Variants in ATOSA observed in about 807,000 individuals in gnomAD.
The protein encoded by ATOSA is atos homolog A.
the ATOSA span, among the ~76,000 whole-genome samples, chr15:52,646,897 G>C: frequency 6.7e-6 from 1 of 150,262 alleles, no homozygotes; most frequent in Admixed American, 6.7e-5. Flanking sequence ...AAAAGGGTCA[G>C]TAGAAGATGC....
the ATOSA span, among the ~76,000 whole-genome samples, chr15:52,661,341 T>C: frequency 6.6e-6 from 1 of 152,240 alleles, no homozygotes; most frequent in East Asian, 1.9e-4. Context: ...ATTTCATTTC[T>C]GGTGCCAGAA....
the ATOSA span, chr15:52,608,691 T>C: frequency 1.2e-4 from 186 of 1,612,678 alleles, 3 homozygotes; most frequent in South Asian, 1.9e-3. Flanking sequence ...CATTTTTTAA[T>C]TGGTCTGACT....
At chr15:52,698,913 G>C in the ATOSA span, among the ~76,000 whole-genome samples, 1 of 152,332 alleles carries the variant, frequency 6.6e-6, no homozygotes, top group East Asian at 1.9e-4. Flanking sequence ...ATCTGCTGAA[G>C]TGGTGGTGAT....
At chr15:52,626,602 A>C in the ATOSA span, among the ~76,000 whole-genome samples, 6 of 151,750 alleles carry the variant, frequency 4.0e-5, no homozygotes, top group African/African-American at 1.4e-4. Flanking sequence ...TATTTTCATT[A>C]ATTTACAGGT....
At chr15:52,688,666 C>T in the ATOSA span, among the ~76,000 whole-genome samples, 1 of 152,154 alleles carries the variant, frequency 6.6e-6, no homozygotes, top group Admixed American at 6.5e-5. Context: ...AAAGATTCTG[C>T]TCTGGGACTT....
the ATOSA span, among the ~76,000 whole-genome samples, chr15:52,589,537 T>A: frequency 1.1e-5 from 1 of 91,840 alleles, no homozygotes; most frequent in Non-Finnish European, 3.2e-5. Context: ...ACTAAATCAA[T>A]TTATTTAAAA....
chr15:52,672,880 C>T, the ATOSA span, among the ~76,000 whole-genome samples: 2 of 152,170 alleles, frequency 1.3e-5, no homozygotes, highest in Admixed American at 1.3e-4. Context: ...ATCTCTACGT[C>T]AACCCCTTTA....
At chr15:52,663,882 A>G in the ATOSA span, among the ~76,000 whole-genome samples, 1 of 152,242 alleles carries the variant, frequency 6.6e-6, no homozygotes, top group African/African-American at 2.4e-5. Flanking sequence ...CACCTCGGTA[A>G]TCAAAACTTT....
the ATOSA span, chr15:52,651,759 G>T: frequency 1.9e-6 from 2 of 1,039,420 alleles, no homozygotes; most frequent in South Asian, 1.5e-5. Flanking sequence ...AATTTTCCTA[G>T]ACCTATTTAT....
chr15:52,668,956 A>G, the ATOSA span, among the ~76,000 whole-genome samples: 4 of 149,970 alleles, frequency 2.7e-5, no homozygotes, highest in African/African-American at 9.8e-5. Context: ...CCCAGGCTTG[A>G]GTGCAGTGGT....
chr15:52,666,322 G>A, the ATOSA span, among the ~76,000 whole-genome samples: 2 of 152,124 alleles, frequency 1.3e-5, no homozygotes, highest in Non-Finnish European at 2.9e-5. Context: ...AATTTTTCTA[G>A]TTGCCCCCCA....
the ATOSA span, among the ~76,000 whole-genome samples, chr15:52,670,950 T>A: frequency 6.6e-6 from 1 of 152,196 alleles, no homozygotes; most frequent in African/African-American, 2.4e-5. Context: ...TCCTTTGAGT[T>A]TTTTTTCCAT....
the ATOSA span, chr15:52,584,886 C>T: frequency 9.9e-5 from 160 of 1,613,004 alleles, no homozygotes; most frequent in Middle Eastern, 1.5e-3. Flanking sequence ...TGGCATATCT[C>T]GTAAATCATA....
At chr15:52,627,859 C>T in the ATOSA span, among the ~76,000 whole-genome samples, 1 of 152,110 alleles carries the variant, frequency 6.6e-6, no homozygotes, top group South Asian at 2.1e-4. Flanking sequence ...CACTTAATAG[C>T]CAATTCTGCC....
At chr15:52,608,455 T>C in the ATOSA span, 2 of 986,494 alleles carry the variant, frequency 2.0e-6, no homozygotes, top group South Asian at 2.0e-5. Flanking sequence ...TATCAGACTG[T>C]GTGTCCTATA....
chr15:52,688,803 T>C, the ATOSA span, among the ~76,000 whole-genome samples: 3 of 152,204 alleles, frequency 2.0e-5, no homozygotes, highest in Non-Finnish European at 4.4e-5. Context: ...TGTTTAGCTA[T>C]GTTGGCTGTT....
At chr15:52,605,362 G>C in the ATOSA span, 1 of 669,522 alleles carries the variant, frequency 1.5e-6, no homozygotes, top group Non-Finnish European at 2.4e-6. Context: ...TGCTGGTGAA[G>C]CTGGTGATAT....
the ATOSA span, among the ~76,000 whole-genome samples, chr15:52,706,045 A>C: frequency 6.6e-6 from 1 of 152,202 alleles, no homozygotes; most frequent in African/African-American, 2.4e-5. Context: ...AAACAAACAA[A>C]CAAAAAAGAA....
At chr15:52,643,360 T>C in the ATOSA span, among the ~76,000 whole-genome samples, 1 of 152,052 alleles carries the variant, frequency 6.6e-6, no homozygotes, top group African/African-American at 2.4e-5. Context: ...GGCACAATCA[T>C]ACCTCACTGC....
Sources: allele counts gnomAD v4.1 joint callset (sites outside exome capture counted in the v4.1 genomes callset), GRCh38; gene constraint gnomAD v4.1.1; transcripts MANE v1.5; gene names NCBI Gene and HGNC (gene_info 2026-07-23, HGNC 2026-07-21).